NOX4: variants seen among roughly 807,000 people sequenced by gnomAD.
NOX4 encodes the protein NADPH oxidase 4.
A neutral mutation model predicts 87.6 loss-of-function variants in NOX4; 69 were observed. That is an observed-to-expected ratio of 0.79 (90% CI 0.65 to 0.96). The LOEUF is 0.96. Among genes scored for constraint, NOX4 ranks in the 40% least tolerant of loss-of-function variants. The probability of loss-of-function intolerance (pLI) is 0.00; values close to 1 mark genes in which losing one functional copy is unlikely to be tolerated. For synonymous variants in NOX4, 275 were observed against 238.2 expected (o/e 1.15, Z -1.42); for missense variants, 680 against 681.5 (o/e 1.00, Z 0.02).
chr11:89,372,811 C>T (rs905595943), intron 12 of NOX4, among the ~76,000 whole-genome samples: 2 of 152,008 alleles, frequency 1.3e-5, no homozygotes, highest in African/African-American at 2.4e-5. Flanking sequence ...CCAACATTTA[C>T]TGAGTACTCA....
the NOX4 span, among the ~76,000 whole-genome samples, chr11:89,566,964 T>C: frequency 6.6e-6 from 1 of 152,238 alleles, no homozygotes; most frequent in Admixed American, 6.5e-5. Flanking sequence ...GTGTCAGCCT[T>C]TGGGGCTGGG....
At chr11:89,482,964 G>A (rs1031179295) in intron 2 of NOX4, among the ~76,000 whole-genome samples, 2 of 151,976 alleles carry the variant, frequency 1.3e-5, no homozygotes, top group Non-Finnish European at 2.9e-5. Flanking sequence ...ACAGGTGTGG[G>A]CTCAACCTGG....
chr11:89,402,522 G>A lies in NOX4; in HGVS notation c.650C>T (p.Thr217Ile). The change falls in exon 9 of 18, where the codon ACT becomes ATT. Residue 217 changes from threonine to isoleucine, a missense_variant. By Grantham distance (89) the Thr-to-Ile change is moderately conservative. Coordinates refer to ENST00000263317, the MANE Select transcript of NOX4 (RefSeq NM_016931.5). ...GCCGGGAGGGTGGGTATCTAAATTA[G>A]TTTGATACTTCAGCAGCCCTCTAAA... is the stretch of plus-strand genomic sequence containing the variant. ...HVSGGLLKYQ[T>I]NLDTHPPGCI... 6.2e-7 allele frequency: 1 copy of A among 1,610,078 alleles called. No homozygotes were observed. Among genetic ancestry groups the A allele is most frequent in the Non-Finnish European group, 8.5e-7 (1 of 1,178,038 alleles).
intron 8 of NOX4, among the ~76,000 whole-genome samples, chr11:89,404,378 G>C (rs1942048472): frequency 6.6e-6 from 1 of 152,100 alleles, no homozygotes; most frequent in Admixed American, 6.6e-5. Context: ...TGGTTCTTCA[G>C]ACTTCAACAG....
the NOX4 span, among the ~76,000 whole-genome samples, chr11:89,508,998 A>G: frequency 6.6e-6 from 1 of 152,094 alleles, no homozygotes; most frequent in Non-Finnish European, 1.5e-5. Context: ...TTAGTTCTCA[A>G]TTCAAATCAT....
At chr11:89,496,040 C>T (rs1293740785), upstream of NOX4, among the ~76,000 whole-genome samples, 1 of 152,098 alleles carries the variant, frequency 6.6e-6, no homozygotes, top group Non-Finnish European at 1.5e-5. Flanking sequence ...AAGGAAACTC[C>T]ATCATGTCCC....
intron 2 of NOX4, among the ~76,000 whole-genome samples, chr11:89,473,822 A>G (rs1294979012): frequency 2.0e-5 from 3 of 151,872 alleles, no homozygotes; most frequent in African/African-American, 4.8e-5. Flanking sequence ...TTCCTTGGGG[A>G]AAAAAAACAA....
In NOX4 at chr11:89,474,547, C is replaced by T. The variant is rs80216735; in HGVS notation, c.153+15911G>A. On this transcript the variant is annotated intron_variant, in intron 2 of 17. Transcript: ENST00000263317. ...TGGTGTACATTATGGCATTATGGTG[C>T]ACTATGTAGTCATTAAAGATAAAAT... is the stretch of plus-strand genomic sequence containing the variant. Among the ~76,000 whole-genome samples, 5 of 150,112 alleles carry T rather than the reference C, an allele frequency of 3.3e-5. No individual in the cohort carries two copies. In the South Asian group the frequency reaches 6.3e-4, roughly 19 times the overall value.
At chr11:89,541,532 A>AT in the NOX4 span, among the ~76,000 whole-genome samples, 19 of 151,312 alleles carry the variant, frequency 1.3e-4, no homozygotes, top group African/African-American at 3.6e-4. Context: ...CCATATACTG[A>AT]TTTTTTTTTC....
the NOX4 span, chr11:89,534,018 A>C: frequency 6.6e-6 from 1 of 152,256 alleles, no homozygotes. Flanking sequence ...TCCTATTACA[A>C]AAGGATAGCT....
At chr11:89,356,306 C>T (rs1477199110) in intron 12 of NOX4, among the ~76,000 whole-genome samples, 3 of 150,922 alleles carry the variant, frequency 2.0e-5, no homozygotes, top group African/African-American at 7.3e-5. Context: ...TGAATGACGG[C>T]CAGGAAAAGA....
chr11:89,481,634 G>C (rs1946394538), intron 2 of NOX4, among the ~76,000 whole-genome samples: 1 of 151,978 alleles, frequency 6.6e-6, no homozygotes. Flanking sequence ...AATTACTTAG[G>C]CAATTTTAAA....
At chr11:89,357,425 A>T (rs1938153205) in intron 12 of NOX4, among the ~76,000 whole-genome samples, 1 of 152,152 alleles carries the variant, frequency 6.6e-6, no homozygotes, top group Non-Finnish European at 1.5e-5. Flanking sequence ...TTAATTTACA[A>T]AATTAACATT....
At chr11:89,577,779 T>G in the NOX4 span, 2 of 152,140 alleles carry the variant, frequency 1.3e-5, no homozygotes, top group Non-Finnish European at 2.9e-5. Context: ...AGTGAAATAA[T>G]TAATGAAAGA....
chr11:89,424,621 T>C (rs1943275807), intron 7 of NOX4, among the ~76,000 whole-genome samples: 1 of 151,994 alleles, frequency 6.6e-6, no homozygotes, highest in Non-Finnish European at 1.5e-5. Flanking sequence ...AATTTTTAGC[T>C]TATTTACTCT....
intron 3 of NOX4, among the ~76,000 whole-genome samples, 196 bp from the exon 4 acceptor site, chr11:89,449,720 A>G (rs1453407019): frequency 6.6e-6 from 1 of 152,106 alleles, no homozygotes; most frequent in Non-Finnish European, 1.5e-5. Context: ...AGAAGTCCAT[A>G]TTATTGATAT....
the NOX4 span, among the ~76,000 whole-genome samples, chr11:89,570,468 A>G: frequency 6.6e-6 from 1 of 152,238 alleles, no homozygotes; most frequent in Non-Finnish European, 1.5e-5. Flanking sequence ...CCCATGTAAC[A>G]AACCTGTATA....
chr11:89,461,880 T>C (rs1591315640), intron 2 of NOX4, among the ~76,000 whole-genome samples: 1 of 151,976 alleles, frequency 6.6e-6, no homozygotes, highest in South Asian at 2.1e-4. Context: ...GAGAACATAA[T>C]ACCACTATGT....
intron 7 of NOX4, among the ~76,000 whole-genome samples, chr11:89,425,691 A>C (rs1202217765): frequency 2.6e-5 from 4 of 152,058 alleles, no homozygotes; most frequent in Admixed American, 6.6e-5. Context: ...GAAGAGCAAG[A>C]AGGATTTAAT....
Sources: gnomAD v4.1 joint callset for allele counts (sites outside exome capture counted in the v4.1 genomes callset) on GRCh38, gnomAD v4.1.1 for gene constraint, MANE v1.5 for transcripts, NCBI Gene and HGNC (gene_info 2026-07-23, HGNC 2026-07-21) for gene names.